NRG3: variants seen among roughly 807,000 people sequenced by gnomAD.
NRG3 encodes pro-neuregulin-3, membrane-bound isoform.
A neutral mutation model predicts 66.9 loss-of-function variants in NRG3; 31 were observed. The ratio of observed to expected loss-of-function variants is 0.46; its 90% CI spans 0.35 to 0.63. The LOEUF (loss-of-function observed/expected upper bound fraction) is 0.63. NRG3 is among the 20% of genes least tolerant of loss of function. The probability of loss-of-function intolerance (pLI) is 0.00; values close to 1 mark genes in which losing one functional copy is unlikely to be tolerated. For missense variants in NRG3, 910 were observed against 878.9 expected (o/e 1.04, Z -0.45); for synonymous variants, 393 against 359.4 (o/e 1.09, Z -1.06).
intron 1 of NRG3, among the ~76,000 whole-genome samples, chr10:81,962,177 T>C (rs180761115): frequency 6.6e-6 from 1 of 152,320 alleles, no homozygotes; most frequent in East Asian, 1.9e-4. Context: ...CAGCCATGTA[T>C]TGTATGGCTT....
At chr10:82,349,542 G>C (rs1264954448) in intron 1 of NRG3, among the ~76,000 whole-genome samples, 1 of 152,008 alleles carries the variant, frequency 6.6e-6, no homozygotes, top group African/African-American at 2.4e-5. Flanking sequence ...TGCCCTCAGA[G>C]GTGGAGCCTA....
At chr10:82,526,501 G>A (rs1355687549) in intron 2 of NRG3, among the ~76,000 whole-genome samples, 1 of 151,674 alleles carries the variant, frequency 6.6e-6, no homozygotes, top group Admixed American at 6.6e-5. Flanking sequence ...TTATTTAGAT[G>A]TACCTAAAGC....
intron 1 of NRG3, among the ~76,000 whole-genome samples, chr10:81,892,799 T>G (rs1843155123): frequency 1.3e-5 from 2 of 152,312 alleles, no homozygotes; most frequent in Admixed American, 1.3e-4. Context: ...ATCGTACATT[T>G]AAAAATAACT....
At chr10:82,770,703 A>G (rs1256639318) in intron 3 of NRG3, among the ~76,000 whole-genome samples, 1 of 152,164 alleles carries the variant, frequency 6.6e-6, no homozygotes, top group Non-Finnish European at 1.5e-5. Context: ...CCATAACCTC[A>G]GAAGGGCATA....
At chr10:82,078,098 C>T (rs890948393) in intron 1 of NRG3, among the ~76,000 whole-genome samples, 1 of 149,726 alleles carries the variant, frequency 6.7e-6, no homozygotes, top group African/African-American at 2.5e-5. Context: ...TCTCTAAATA[C>T]AAAAAAAAAG....
chr10:82,628,655 G>C (rs2049595220), intron 2 of NRG3, among the ~76,000 whole-genome samples: 1 of 152,034 alleles, frequency 6.6e-6, no homozygotes, highest in African/African-American at 2.4e-5. Flanking sequence ...TCTTTCAACA[G>C]CTTGTTGAAT....
chr10:82,197,400 T>C (rs1169618143), intron 1 of NRG3, among the ~76,000 whole-genome samples: 1 of 152,160 alleles, frequency 6.6e-6, no homozygotes, highest in African/African-American at 2.4e-5. Flanking sequence ...ATGGATTAGA[T>C]GTTAGGCACA....
At chr10:82,965,299 G>A (rs984540589) in intron 6 of NRG3, among the ~76,000 whole-genome samples, 11 of 152,170 alleles carry the variant, frequency 7.2e-5, no homozygotes, top group African/African-American at 2.7e-4. Flanking sequence ...TTGTAACATT[G>A]TAGAGGATGC....
rs527950413 is a variant in NRG3 at position 82,154,223 on chromosome 10, T to C, written c.824-204516T>C. On this transcript the variant is annotated intron_variant, in intron 1 of 8. Transcript: ENST00000372141. ...ATTTCAGGCCTTATATTTAAGTCTT[T>C]AATTCACTTTGAGTTGATTTTTGTG... Among the ~76,000 whole-genome samples, 8 of 152,190 alleles carry C rather than the reference T, an allele frequency of 5.3e-5. No homozygotes were observed. In the South Asian group the frequency reaches 1.7e-3, roughly 31 times the overall value.
chr10:81,920,531 G>T (rs1467039417), intron 1 of NRG3, among the ~76,000 whole-genome samples: 1 of 152,030 alleles, frequency 6.6e-6, no homozygotes, highest in Admixed American at 6.6e-5. Context: ...ACATCAATTT[G>T]TTGTGAACTT....
chr10:82,354,888 AG>A, intron 1 of NRG3, among the ~76,000 whole-genome samples: 1 of 152,328 alleles, frequency 6.6e-6, no homozygotes, highest in Middle Eastern at 3.4e-3. Context: ...CTCTGAAATA[AG>A]GGAACTTAAA....
intron 1 of NRG3, among the ~76,000 whole-genome samples, chr10:82,220,048 C>T (rs777291175): frequency 4.6e-5 from 7 of 151,482 alleles, no homozygotes; most frequent in African/African-American, 9.7e-5. Flanking sequence ...AACCAGAAGA[C>T]GTGAGTAGAG....
At chr10:82,460,218 T>A (rs2091449704) in intron 2 of NRG3, among the ~76,000 whole-genome samples, 1 of 152,208 alleles carries the variant, frequency 6.6e-6, no homozygotes, top group Admixed American at 6.5e-5. Flanking sequence ...TACATTGGGT[T>A]ATGGAAACAT....
chr10:82,253,938 C>T (rs1011409080), intron 1 of NRG3, among the ~76,000 whole-genome samples: 2 of 152,102 alleles, frequency 1.3e-5, no homozygotes, highest in African/African-American at 4.8e-5. Context: ...GCATTTGTTA[C>T]TTATATACTT....
chr10:82,916,891 C>T (rs1442179121), intron 4 of NRG3, among the ~76,000 whole-genome samples: 2 of 152,218 alleles, frequency 1.3e-5, no homozygotes, highest in Non-Finnish European at 2.9e-5. Flanking sequence ...GCTGGGATTA[C>T]AGGCGTAAGC....
chr10:81,932,627 C>T (rs1052193724), intron 1 of NRG3, among the ~76,000 whole-genome samples: 5 of 152,220 alleles, frequency 3.3e-5, no homozygotes, highest in East Asian at 1.9e-4. Flanking sequence ...GTATGTTGTA[C>T]AATCTTAAGT....
chr10:82,018,584 ATTTG>A (rs1241518763), intron 1 of NRG3, among the ~76,000 whole-genome samples: 2 of 152,116 alleles, frequency 1.3e-5, no homozygotes, highest in Non-Finnish European at 2.9e-5. Flanking sequence ...ATGTTCTTCC[ATTTG>A]TTTGTATCCT....
chr10:82,505,101 G>T (rs1435282989), intron 2 of NRG3, among the ~76,000 whole-genome samples: 9 of 152,122 alleles, frequency 5.9e-5, no homozygotes, highest in Non-Finnish European at 1.5e-5. Context: ...GATAATTTTG[G>T]AATCGAAAGT....
intron 6 of NRG3, among the ~76,000 whole-genome samples, chr10:82,965,315 G>C (rs1443852269): frequency 2.0e-5 from 3 of 152,152 alleles, no homozygotes; most frequent in African/African-American, 7.2e-5. Context: ...GATGCTAATA[G>C]GGAGATCCAG....
Sources: allele counts gnomAD v4.1 joint callset (sites outside exome capture counted in the v4.1 genomes callset), GRCh38; gene constraint gnomAD v4.1.1; transcripts MANE v1.5; gene names NCBI Gene and HGNC (gene_info 2026-07-23, HGNC 2026-07-21).